Variants in DNAH8 observed in about 807,000 individuals in gnomAD.
The protein encoded by DNAH8 is dynein axonemal heavy chain 8, also known as axonemal beta dynein heavy chain 8.
DNAH8 carries 382 observed loss-of-function variants against 562.1 expected under a neutral mutation model. The observed-to-expected ratio is 0.68, with a 90% CI of 0.63 to 0.74. The LOEUF is 0.74. DNAH8 is among the 30% of genes least tolerant of loss of function. DNAH8 has a pLI of 0.00. For synonymous variants in DNAH8, 1,881 were observed against 1,919.4 expected, an observed-to-expected ratio of 0.98 and a Z score of 0.52; for missense variants, 5,203 against 5,620.4, an observed-to-expected ratio of 0.93 and a Z score of 2.37.
At chr6:38,971,532 C>T (rs1763351362) in intron 82 of DNAH8, 60 bp from the exon 83 acceptor site, 1 of 1,016,658 alleles carries the variant, frequency 9.8e-7, no homozygotes, top group Non-Finnish European at 1.4e-6. Flanking sequence ...ATTAATTTTT[C>T]ATTCTAATCC....
At chr6:38,735,873 T>G (rs1764045854) in intron 5 of DNAH8, among the ~76,000 whole-genome samples, 1 of 152,126 alleles carries the variant, frequency 6.6e-6, no homozygotes, top group Non-Finnish European at 1.5e-5. Flanking sequence ...TCGCAGTGGC[T>G]TACCCTGTAC....
intron 42 of DNAH8, 98 bp from the exon 43 acceptor site, chr6:38,860,359 C>A: frequency 3.5e-6 from 2 of 566,698 alleles, no homozygotes; most frequent in Non-Finnish European, 5.5e-6. Flanking sequence ...TAATAAGAAT[C>A]AGTTCATCAA....
chr6:38,715,947 TATATA>T (rs1762281780), intron 1 of DNAH8, among the ~76,000 whole-genome samples: 4 of 23,116 alleles, frequency 1.7e-4, no homozygotes, highest in Admixed American at 5.6e-4. Flanking sequence ...TATATATATA[TATATA>T]TATATATATT....
intron 3 of DNAH8, among the ~76,000 whole-genome samples, chr6:38,729,430 G>C (rs1420443846): frequency 6.6e-6 from 1 of 152,152 alleles, no homozygotes; most frequent in African/African-American, 2.4e-5. Context: ...CATAAATATG[G>C]AAGAATCTCA....
At chr6:38,787,007 A>T (rs1769224326) in intron 18 of DNAH8, 55 bp downstream of exon 18, 13 of 1,085,070 alleles carry the variant, frequency 1.2e-5, no homozygotes, top group Non-Finnish European at 1.5e-5. Context: ...GGTAAAAAAA[A>T]TATGTATATA....
At chr6:38,883,810 G>A (rs2150468740) in intron 55 of DNAH8, 66 bp from the exon 56 acceptor site, 1 of 1,291,296 alleles carries the variant, frequency 7.7e-7, no homozygotes, top group Non-Finnish European at 1.0e-6. Context: ...TGACAAGAAT[G>A]CTCATTATTT....
In DNAH8 at chr6:38,822,950, C is replaced by T. The variant is rs1453721972; in HGVS notation, c.3636C>T (p.Ser1212=). The T allele has an allele frequency of 1.2e-6, 2 of 1,613,526 alleles. No homozygotes were observed. Among genetic ancestry groups the T allele is most frequent in the Non-Finnish European group, 1.7e-6 (2 of 1,179,790 alleles). ...TGCTCCTTTCTTCCTCTGTAAATTC[C>T]CTAAGAAAGGCAGCTCATGAGGCCC... is the stretch of plus-strand genomic sequence containing the variant. The part of the protein sequence containing the change: ...LVLLLSSSVN[S]LRKAAHEALQ... The change falls in exon 27 of 93, where the codon TCC becomes TCT. Residue 1212 remains serine (S), a synonymous_variant. Transcript: ENST00000327475.
chr6:38,900,635 T>G (rs571475814), intron 62 of DNAH8, among the ~76,000 whole-genome samples: 2 of 151,812 alleles, frequency 1.3e-5, no homozygotes, highest in African/African-American at 4.9e-5. Flanking sequence ...TTTTTTTTTT[T>G]GAAATGTAGT....
chr6:38,838,423 G>A (rs1437005197), intron 33 of DNAH8, among the ~76,000 whole-genome samples: 1 of 131,486 alleles, frequency 7.6e-6, no homozygotes, highest in Non-Finnish European at 1.6e-5. Context: ...TTTTGAGACA[G>A]AGTCTCGCTC....
At chr6:39,022,434 TG>T (rs564524943) in intron 91 of DNAH8, among the ~76,000 whole-genome samples, 4 of 152,148 alleles carry the variant, frequency 2.6e-5, no homozygotes, top group Non-Finnish European at 5.9e-5. Context: ...CCAAAGGAGC[TG>T]GGGGGTCCAG....
chr6:38,803,449 T>G, intron 22 of DNAH8, 138 bp downstream of exon 22: 1 of 586,620 alleles, frequency 1.7e-6, no homozygotes, highest in African/African-American at 1.9e-5. Flanking sequence ...TAAATCACAT[T>G]GTTTGTACCA....
intron 28 of DNAH8, 33 bp downstream of exon 28, chr6:38,823,721 T>A: frequency 6.7e-7 from 1 of 1,498,610 alleles, no homozygotes; most frequent in Non-Finnish European, 9.2e-7. Flanking sequence ...GTAAAGTATC[T>A]GTACTTTCAC....
At chr6:38,951,260 G>A (rs1402117269) in intron 81 of DNAH8, 58 bp from the exon 82 acceptor site, 2 of 1,450,388 alleles carry the variant, frequency 1.4e-6, no homozygotes, top group East Asian at 4.6e-5. Flanking sequence ...TACTTACTCA[G>A]ATAGGATAAA....
Position 38,899,998 on chromosome 6 carries a change from A to G in DNAH8, c.9194+92A>G, listed in dbSNP as rs1294887950. 7 of 1,151,644 alleles carry G rather than the reference A, an allele frequency of 6.1e-6. No individual in the cohort carries two copies. In the Admixed American group the frequency reaches 2.0e-4, roughly 33 times the overall value. The allele number at this position is 1,151,644 out of a possible 1,614,324, so 71.3% of individuals were successfully genotyped here. The stretch of plus-strand genomic sequence containing the variant: ...AAAAGGAAGCACAACAGTTTCCTGT[A>G]TTTCTTTTTAAGGTAAACTTTAAGT... On this transcript the variant is annotated intron_variant, in intron 62 of 92. Coordinates refer to ENST00000327475, the MANE Select transcript of DNAH8 (RefSeq NM_001206927.2).
chr6:38,999,822 G>A lies in DNAH8; in HGVS notation c.13215-8992G>A, dbSNP rs1295027119. Among the ~76,000 whole-genome samples the A allele has an allele frequency of 4.6e-5, 7 of 151,018 alleles. No homozygotes were observed. In the East Asian group the frequency reaches 1.4e-3, roughly 29 times the overall value. On this transcript the variant is annotated intron_variant, in intron 88 of 92. Coordinates refer to ENST00000327475, the MANE Select transcript of DNAH8 (RefSeq NM_001206927.2). Reference sequence around the variant, plus strand: ...CTATAGATGTATTTATTATTATATTGTATTGTCATATTATATAATAGATAT... The same window carrying A: ...CTATAGATGTATTTATTATTATATTATATTGTCATATTATATAATAGATAT...
chr6:38,818,323 A>C (rs1216073862), intron 26 of DNAH8, among the ~76,000 whole-genome samples: 2 of 152,056 alleles, frequency 1.3e-5, no homozygotes, highest in African/African-American at 2.4e-5. Context: ...CAGGCTAAAC[A>C]TAAAACTATA....
At chr6:38,844,069 C>G (rs1247794404) in intron 35 of DNAH8, among the ~76,000 whole-genome samples, 1 of 152,162 alleles carries the variant, frequency 6.6e-6, no homozygotes, top group African/African-American at 2.4e-5. Flanking sequence ...TCCATTAAAT[C>G]TAGTTGCCTA....
At chr6:38,844,899 A>G (rs2150376284) in intron 35 of DNAH8, among the ~76,000 whole-genome samples, 1 of 152,314 alleles carries the variant, frequency 6.6e-6, no homozygotes, top group Admixed American at 6.5e-5. Context: ...CATGGTTCAC[A>G]TCATTCTTAG....
chr6:38,907,936 TC>T lies in DNAH8; in HGVS notation c.9349-18del, dbSNP rs767191290. The T allele has an allele frequency of 3.2e-6, 5 of 1,567,122 alleles. No homozygotes were observed. Among genetic ancestry groups the T allele is most frequent in the Non-Finnish European group, 4.3e-6 (5 of 1,158,370 alleles). On this transcript the variant is annotated intron_variant, in intron 63 of 92. Transcript: ENST00000327475. ...GAGAACTCTTAAAACACAGAACACT[TC>T]CTTGTCCATTCCTTAAAGATCTCCA...
Sources: gnomAD v4.1 joint callset for allele counts (sites outside exome capture counted in the v4.1 genomes callset) on GRCh38, gnomAD v4.1.1 for gene constraint, MANE v1.5 for transcripts, NCBI Gene and HGNC (gene_info 2026-07-23, HGNC 2026-07-21) for gene names.